The following GEN1 variants were observed in gnomAD, a reference collection of about 807,000 sequenced individuals.
GEN1 encodes GEN1 structure-specific endonuclease.
GEN1 carries 64 observed loss-of-function variants against 67.6 expected under a neutral mutation model. The ratio of observed to expected loss-of-function variants is 0.95; its 90% CI spans 0.77 to 1.17. The LOEUF (loss-of-function observed/expected upper bound fraction) is 1.17, where lower values mean the gene tolerates loss of function less well. Among genes scored for constraint, GEN1 ranks in the 50% most tolerant of loss-of-function variants. The probability of loss-of-function intolerance (pLI) is 0.00; values close to 1 mark genes in which losing one functional copy is unlikely to be tolerated. For missense variants in GEN1, 1,058 were observed against 1,048.3 expected (o/e 1.01, Z -0.13); for synonymous variants, 371 against 359.4 (o/e 1.03, Z -0.37).
Position 17,778,460 on chromosome 2 carries a change from ATATG to A in GEN1, c.1264+401_1264+404del, listed in dbSNP as rs1558410239. Among the ~76,000 whole-genome samples the A allele has an allele frequency of 6.8e-5, 2 of 29,470 alleles. 1 individual carries two copies. Among genetic ancestry groups the A allele is most frequent in the African/African-American group, 1.5e-4 (2 of 12,912 alleles). The allele number at this position is 29,470 out of a possible 152,430, so 19.3% of individuals were successfully genotyped here. On this transcript the variant is annotated intron_variant, in intron 12 of 13. Transcript: ENST00000381254. ...TACACACACATATATGTGTGTACAT[ATATG>A]TATATACACACACAGCATGTGTGTG...
chr2:17,766,064 C>T (rs928825291), intron 4 of GEN1, among the ~76,000 whole-genome samples: 1 of 151,980 alleles, frequency 6.6e-6, no homozygotes, highest in African/African-American at 2.4e-5. Context: ...ATTTTTAAGC[C>T]ATTTTTGAAA....
chr2:17,778,967 G>A (rs1405956982), intron 12 of GEN1, among the ~76,000 whole-genome samples: 4 of 152,106 alleles, frequency 2.6e-5, no homozygotes, highest in Non-Finnish European at 4.4e-5. Flanking sequence ...TGTTGCCCAG[G>A]CTGGAGAGTG....
At chr2:17,757,852 C>T (rs945752238) in intron 1 of GEN1, among the ~76,000 whole-genome samples, 2 of 152,168 alleles carry the variant, frequency 1.3e-5, no homozygotes, top group Admixed American at 6.5e-5. Flanking sequence ...AATAGGGTCA[C>T]ATATTTTTTA....
In GEN1 at chr2:17,781,637, G is replaced by C; in HGVS notation, c.2425G>C (p.Val809Leu). 1 of 1,614,006 alleles carries C rather than the reference G, an allele frequency of 6.2e-7. No individual in the cohort carries two copies. Among genetic ancestry groups the C allele is most frequent in the Non-Finnish European group, 8.5e-7 (1 of 1,179,944 alleles). Residue 809 changes from valine (V) to leucine (L), a missense_variant, in exon 14 of 14, where the codon GTG (valine) becomes CTG (leucine). By Grantham distance (32) the Val-to-Leu change is conservative. Transcript: ENST00000381254. ...RHSSDEQSAP[V>L]FGKAKYTTQR... is the part of the protein sequence containing the mutation. ...TTCCTCTGATGAACAAAGTGCCCCA[G>C]TGTTTGGGAAAGCTAAGTACACAAC...
intron 5 of GEN1, 41 bp downstream of exon 5, chr2:17,766,730 CTT>C (rs781015953): frequency 1.3e-5 from 14 of 1,042,834 alleles, no homozygotes; most frequent in East Asian, 7.2e-5. Flanking sequence ...TTCATAAAGT[CTT>C]TTTCGTACTT....
chr2:17,775,316 T>A (rs1447970591), intron 11 of GEN1, among the ~76,000 whole-genome samples: 1 of 152,124 alleles, frequency 6.6e-6, no homozygotes. Context: ...TCCAAAAAAA[T>A]TAGTGATTTG....
At position 17,783,964 on chromosome 2, in the gene GEN1, G is replaced by A. The variant is rs976008512; in HGVS notation, c.*2025G>A. ...CAAGGATTTCTTAAATATACCCAAA[G>A]CATAGGCAACAAAAGAGAATACACA... On this transcript the variant is annotated 3_prime_UTR_variant, in exon 14 of 14. Transcript: ENST00000381254. The A allele has an allele frequency of 3.3e-5, 5 of 152,174 alleles. No homozygotes were observed. Among genetic ancestry groups the A allele is most frequent in the Non-Finnish European group, 7.4e-5 (5 of 68,010 alleles). 9.4% of individuals were successfully genotyped at this position (152,174 alleles called of 1,614,324 possible). A position where few individuals can be genotyped will look rare whatever the true frequency, so the allele number is the denominator to read the frequency against.
At chr2:17,778,973 G>C (rs1299343820) in intron 12 of GEN1, among the ~76,000 whole-genome samples, 1 of 152,106 alleles carries the variant, frequency 6.6e-6, no homozygotes. Flanking sequence ...CCAGGCTGGA[G>C]AGTGCAGTGG....
At position 17,781,976 on chromosome 2, in the gene GEN1, T is replaced by A; in HGVS notation, c.*37T>A. The A allele has an allele frequency of 8.5e-7, 1 of 1,176,074 alleles. No individual in the cohort carries two copies. The highest frequency in any genetic ancestry group is 1.2e-6 in the Non-Finnish European group (1 of 829,318). The allele number at this position is 1,176,074 out of a possible 1,614,324, so 72.9% of individuals were successfully genotyped here. A position where few individuals can be genotyped will look rare whatever the true frequency, so the allele number is the denominator to read the frequency against. On this transcript the variant is annotated 3_prime_UTR_variant, in exon 14 of 14. Coordinates refer to ENST00000381254, the MANE Select transcript of GEN1 (RefSeq NM_001130009.3). ...CTTAGGTATAACTTAACTATTTTAG[T>A]ACTATCAGCAATAGCAGAGACAGAG...
rs1252537056 is a variant in GEN1, at chr2:17,764,889, G to T, written c.349-8G>T. On this transcript the variant is annotated splice_polypyrimidine_tract_variant and splice_region_variant and intron_variant, in intron 3 of 13. Transcript: ENST00000381254. The stretch of plus-strand genomic sequence containing the variant: ...CTTTAACATCTTGCACCTGCTTTTT[G>T]TTTTCAGTGCCTCCATATGCTCGAA... 3 of 1,603,904 alleles carry T rather than the reference G, an allele frequency of 1.9e-6. No individual in the cohort carries two copies. The highest frequency in any genetic ancestry group is 3.5e-5 in the Admixed American group (2 of 56,844).
rs777649457 is a variant in GEN1, at chr2:17,781,470, C to T, written c.2258C>T (p.Ser753Phe). Residue 753 changes from serine to phenylalanine, a missense_variant, in exon 14 of 14, where the codon TCT becomes TTT. Transcript: ENST00000381254. ...LLQEDYKVNTSVPYSVSNTVV... is the reference protein window; with the variant it reads ...LLQEDYKVNTFVPYSVSNTVV... ...CAAGAAGACTATAAAGTCAATACTT[C>T]TGTCCCTTATTCTGTCAGTAACACA... The T allele has an allele frequency of 6.2e-7, 1 of 1,613,524 alleles. No individual in the cohort carries two copies. The highest frequency in any genetic ancestry group is 1.7e-5 in the Admixed American group (1 of 60,016).
chr2:17,774,955 C>T (rs919907011), intron 11 of GEN1, among the ~76,000 whole-genome samples: 2 of 151,770 alleles, frequency 1.3e-5, no homozygotes, highest in Non-Finnish European at 2.9e-5. Flanking sequence ...CTGGAAATTA[C>T]TCAAAGAGAC....
chr2:17,786,186 T>C lies in GEN1; in HGVS notation c.*4247T>C, dbSNP rs986672452. 15 of 152,370 alleles carry C rather than the reference T, an allele frequency of 9.8e-5. No homozygotes were observed. Among genetic ancestry groups the C allele is most frequent in the African/African-American group, 3.4e-4 (14 of 41,592 alleles). 9.4% of individuals were successfully genotyped at this position (152,370 alleles called of 1,614,324 possible). A position where few individuals can be genotyped will look rare whatever the true frequency, so the allele number is the denominator to read the frequency against. ...GATATCTGTGAAGTCACTGCCACCA[T>C]TGACACATTCTAGGGACTCAGTAAA... On this transcript the variant is annotated 3_prime_UTR_variant, in exon 14 of 14. Transcript: ENST00000381254.
At chr2:17,759,652 A>G (rs1671583787) in intron 1 of GEN1, among the ~76,000 whole-genome samples, 2 of 151,948 alleles carry the variant, frequency 1.3e-5, no homozygotes. Context: ...TAAATCAAGG[A>G]GTGAATTTTC....
chr2:17,778,830 T>G (rs1672683222), intron 12 of GEN1, among the ~76,000 whole-genome samples: 1 of 152,170 alleles, frequency 6.6e-6, no homozygotes, highest in Admixed American at 6.5e-5. Context: ...ATTGTCAAAT[T>G]ATTCTTATTT....
At position 17,761,466 on chromosome 2, in the gene GEN1, C is replaced by G. The variant is rs764488605; in HGVS notation, c.232C>G (p.Pro78Ala). Residue 78 changes from proline (P) to alanine (A), a missense_variant, in exon 3 of 14, where the codon CCA becomes GCA. Transcript: ENST00000381254. Reference protein sequence around the residue: ...VKLVFVMEGEPPKLKADVISK... With the variant: ...VKLVFVMEGEAPKLKADVISK... Reference sequence around the variant, plus strand: ...ACTGGTATTTGTTATGGAAGGGGAACCACCAAAGCTGAAAGCTGATGTCAT... The same window carrying G: ...ACTGGTATTTGTTATGGAAGGGGAAGCACCAAAGCTGAAAGCTGATGTCAT... The G allele has an allele frequency of 2.5e-6, 4 of 1,612,548 alleles. No individual in the cohort carries two copies. Among genetic ancestry groups the G allele is most frequent in the Non-Finnish European group, 3.4e-6 (4 of 1,178,722 alleles).
chr2:17,757,262 TTA>T (rs1317767300), intron 1 of GEN1, among the ~76,000 whole-genome samples: 1 of 151,756 alleles, frequency 6.6e-6, no homozygotes, highest in African/African-American at 2.4e-5. Flanking sequence ...TTTTTTTTTT[TTA>T]GGCATGGCTG....
intron 6 of GEN1, among the ~76,000 whole-genome samples, chr2:17,770,380 T>C (rs2125140391): frequency 6.6e-6 from 1 of 152,330 alleles, no homozygotes; most frequent in South Asian, 2.1e-4. Context: ...GTACTTGGTC[T>C]TTGTAGTAAA....
intron 12 of GEN1, among the ~76,000 whole-genome samples, chr2:17,779,088 A>G (rs753063305): frequency 2.6e-5 from 4 of 152,018 alleles, no homozygotes; most frequent in Non-Finnish European, 5.9e-5. Flanking sequence ...ATGCCTGGCT[A>G]ATTTTCATAT....
Sources: allele counts gnomAD v4.1 joint callset (sites outside exome capture counted in the v4.1 genomes callset), GRCh38; gene constraint gnomAD v4.1.1; transcripts MANE v1.5; gene names NCBI Gene and HGNC (gene_info 2026-07-23, HGNC 2026-07-21).